The following LRMDA variants were observed in gnomAD, a reference collection of about 807,000 sequenced individuals.
LRMDA encodes the protein leucine rich melanocyte differentiation associated.
Under a neutral mutation model 29.8 loss-of-function variants are expected in LRMDA, and 18 were observed. That is an observed-to-expected ratio of 0.60 (90% confidence interval 0.42 to 0.90). The LOEUF (loss-of-function observed/expected upper bound fraction) is 0.90, where lower values mean the gene tolerates loss of function less well. LRMDA is among the 40% of genes least tolerant of loss of function. The pLI, the probability that LRMDA is intolerant of heterozygous loss-of-function variation, is 0.00. For synonymous variants in LRMDA, 125 were observed against 109.4 expected (o/e 1.14, Z -0.89); for missense variants, 273 against 273.9 (o/e 1.00, Z 0.02).
intron 2 of LRMDA, among the ~76,000 whole-genome samples, chr10:75,878,397 G>A (rs1249727078): frequency 6.6e-6 from 1 of 151,786 alleles, no homozygotes; most frequent in Admixed American, 6.6e-5. Flanking sequence ...GTGGGAAGGT[G>A]GTCTTCCCCT....
intron 2 of LRMDA, among the ~76,000 whole-genome samples, chr10:75,561,404 G>A (rs1350068855): frequency 0.013 from 1,986 of 150,534 alleles, 49 homozygotes; most frequent in African/African-American, 0.046. Context: ...TTTTTATTGC[G>A]TCTATTTGAT....
At chr10:75,485,663 C>T (rs957586992) in intron 2 of LRMDA, among the ~76,000 whole-genome samples, 4 of 152,204 alleles carry the variant, frequency 2.6e-5, no homozygotes, top group Non-Finnish European at 4.4e-5. Flanking sequence ...CCGCAACCTC[C>T]GCCTCCCGGG....
intron 5 of LRMDA, among the ~76,000 whole-genome samples, chr10:76,317,766 G>T (rs943077390): frequency 6.6e-5 from 10 of 152,182 alleles, no homozygotes; most frequent in African/African-American, 2.4e-4. Flanking sequence ...TAGAGACAAG[G>T]TTTCACCATA....
intron 2 of LRMDA, among the ~76,000 whole-genome samples, chr10:76,034,994 C>A (rs1202124293): frequency 6.6e-6 from 1 of 152,016 alleles, no homozygotes; most frequent in Non-Finnish European, 1.5e-5. Flanking sequence ...TTGTGCACAA[C>A]TACCTCGTGT....
chr10:76,370,604 TGAGA>T (rs1366378977), intron 6 of LRMDA, among the ~76,000 whole-genome samples: 2 of 152,108 alleles, frequency 1.3e-5, no homozygotes, highest in Non-Finnish European at 2.9e-5. Flanking sequence ...AGATATTTTG[TGAGA>T]GAGAGAAAGA....
intron 2 of LRMDA, among the ~76,000 whole-genome samples, chr10:75,707,210 C>G (rs937554809): frequency 2.0e-5 from 3 of 152,174 alleles, no homozygotes; most frequent in Non-Finnish European, 4.4e-5. Flanking sequence ...CTATCTCCCT[C>G]TGTGTTTTCC....
At chr10:76,301,032 C>G (rs1427458216) in intron 5 of LRMDA, among the ~76,000 whole-genome samples, 1 of 152,116 alleles carries the variant, frequency 6.6e-6, no homozygotes, top group Non-Finnish European at 1.5e-5. Flanking sequence ...CAAATTTTGA[C>G]AATGAGGAGG....
chr10:75,452,575 C>CTTTTTTTTT (rs10636455), intron 2 of LRMDA, among the ~76,000 whole-genome samples: 1 of 117,322 alleles, frequency 8.5e-6, no homozygotes, highest in African/African-American at 3.3e-5. Context: ...CAGGATATGA[C>CTTTTTTTTT]TTTTTTTTTT....
intron 5 of LRMDA, among the ~76,000 whole-genome samples, chr10:76,141,606 G>A (rs1850202281): frequency 6.6e-6 from 1 of 152,086 alleles, no homozygotes; most frequent in Admixed American, 6.6e-5. Context: ...TGAAAGATCA[G>A]TTCCATTCCA....
intron 2 of LRMDA, among the ~76,000 whole-genome samples, chr10:75,774,046 A>T (rs1466755913): frequency 6.6e-6 from 1 of 152,234 alleles, no homozygotes; most frequent in Admixed American, 6.5e-5. Context: ...AGTGAATCAG[A>T]GTAAATGGAA....
At chr10:75,896,063 A>G (rs759652478) in intron 2 of LRMDA, among the ~76,000 whole-genome samples, 2 of 152,238 alleles carry the variant, frequency 1.3e-5, no homozygotes, top group Non-Finnish European at 2.9e-5. Flanking sequence ...GATTGAGTTC[A>G]TGTATGGAAA....
chr10:76,322,112 G>A (rs1163672587), intron 5 of LRMDA, among the ~76,000 whole-genome samples: 2 of 152,158 alleles, frequency 1.3e-5, no homozygotes, highest in South Asian at 2.1e-4. Context: ...CTCAATATAC[G>A]ATGGGTGTAC....
chr10:76,196,494 CT>C (rs1377790725), intron 5 of LRMDA, among the ~76,000 whole-genome samples: 1 of 152,224 alleles, frequency 6.6e-6, no homozygotes, highest in African/African-American at 2.4e-5. Context: ...GAGTCCAAAT[CT>C]GCTCCTTCTG....
intron 6 of LRMDA, among the ~76,000 whole-genome samples, chr10:76,538,690 A>C (rs1397929266): frequency 6.6e-6 from 1 of 151,946 alleles, no homozygotes; most frequent in Admixed American, 6.6e-5. Flanking sequence ...ACAACTCTGT[A>C]TAATATTTGT....
chr10:76,422,833 C>T (rs979533956), intron 6 of LRMDA, among the ~76,000 whole-genome samples: 1 of 152,200 alleles, frequency 6.6e-6, no homozygotes, highest in African/African-American at 2.4e-5. Flanking sequence ...GCCTTTGAAT[C>T]TCCCCTCTCC....
At chr10:75,718,750 A>G (rs927190140) in intron 2 of LRMDA, among the ~76,000 whole-genome samples, 1 of 152,252 alleles carries the variant, frequency 6.6e-6, no homozygotes. Flanking sequence ...TAGTAAAGGT[A>G]TAAAAAATTA....
At chr10:75,442,357 C>T (rs1844336157) in intron 2 of LRMDA, among the ~76,000 whole-genome samples, 1 of 152,150 alleles carries the variant, frequency 6.6e-6, no homozygotes, top group Non-Finnish European at 1.5e-5. Flanking sequence ...CTGTACATTA[C>T]ATTATGTTTA....
rs1842247522 is a variant in LRMDA, at chr10:76,436,632, G to A, written c.601+112147G>A. On this transcript the variant is annotated intron_variant, in intron 6 of 6. Transcript: ENST00000611255. ...CCTATGCGGAGAGCATCGGTGCTCA[G>A]GGAAGGGAAATCCACCCCTGTGCTC... is the stretch of plus-strand genomic sequence containing the variant. 5.3e-5 allele frequency among the ~76,000 whole-genome samples: 8 copies of A among 152,324 alleles called. No individual in the cohort carries two copies. The South Asian group carries it at 1.5e-3, about 28-fold the overall frequency.
At chr10:76,480,321 G>C (rs1842722283) in intron 6 of LRMDA, among the ~76,000 whole-genome samples, 1 of 151,780 alleles carries the variant, frequency 6.6e-6, no homozygotes, top group Non-Finnish European at 1.5e-5. Flanking sequence ...ATATTTTCAT[G>C]TTGCACCAAA....
Sources: gnomAD v4.1 joint callset for allele counts (sites outside exome capture counted in the v4.1 genomes callset) on GRCh38, gnomAD v4.1.1 for gene constraint, MANE v1.5 for transcripts, NCBI Gene and HGNC (gene_info 2026-07-23, HGNC 2026-07-21) for gene names.